Variants in UBE2R2 observed in about 807,000 individuals in gnomAD.
UBE2R2 encodes ubiquitin conjugating enzyme E2 R2.
A neutral mutation model predicts 27.8 loss-of-function variants in UBE2R2; 1 was observed. That is an observed-to-expected ratio of 0.04 (90% confidence interval 0.01 to 0.17). The LOEUF is 0.17. Ranked by LOEUF, UBE2R2 falls within the 10% of genes least tolerant of loss-of-function variation. UBE2R2 has a pLI of 1.00. For synonymous variants in UBE2R2, 106 were observed against 113.3 expected (o/e 0.94, Z 0.41); for missense variants, 100 against 291.0 (o/e 0.34, Z 4.78).
At chr9:33,905,647 T>C (rs535696221) in intron 3 of UBE2R2, among the ~76,000 whole-genome samples, 22 of 152,358 alleles carry the variant, frequency 1.4e-4, no homozygotes, top group African/African-American at 5.1e-4. Flanking sequence ...TTTATAATAA[T>C]GTAAACCCGT....
In UBE2R2 at chr9:33,918,634, T is replaced by G. The variant is rs1822716300; in HGVS notation, c.*1397T>G. On this transcript the variant is annotated 3_prime_UTR_variant, in exon 5 of 5. Coordinates refer to ENST00000263228, the MANE Select transcript of UBE2R2 (RefSeq NM_017811.4). The stretch of plus-strand genomic sequence containing the variant: ...TCAGAACTTGAAGGTAATTTTTGGT[T>G]GTTATGGGGGTGCACCAGATCATAG... The G allele has an allele frequency of 6.6e-6, 1 of 152,482 alleles. No homozygotes were observed. The highest frequency in any genetic ancestry group is 2.4e-5 in the African/African-American group (1 of 41,400). 9.4% of individuals were successfully genotyped at this position (152,482 alleles called of 1,614,324 possible).
chr9:33,815,527 C>T (rs1587415634), upstream of UBE2R2, among the ~76,000 whole-genome samples: 1 of 152,242 alleles, frequency 6.6e-6, no homozygotes, highest in East Asian at 1.9e-4. Context: ...GACGGATCAC[C>T]TGAGGTCAAG....
intron 1 of UBE2R2, among the ~76,000 whole-genome samples, chr9:33,871,440 AAATT>A (rs1821481747): frequency 6.6e-6 from 1 of 152,208 alleles, no homozygotes; most frequent in African/African-American, 2.4e-5. Flanking sequence ...GAAACTTTAA[AAATT>A]AATTTAAATA....
At chr9:33,906,113 C>CGTTGTTGCTGTTGTTGT (rs1822350985) in intron 3 of UBE2R2, among the ~76,000 whole-genome samples, 1 of 151,160 alleles carries the variant, frequency 6.6e-6, no homozygotes, top group African/African-American at 2.4e-5. Context: ...GTCGTTGTTG[C>CGTTGTTGCTGTTGTTGT]TGTTGTTGTT....
chr9:33,845,010 C>T (rs893897120), intron 1 of UBE2R2, among the ~76,000 whole-genome samples: 3 of 151,846 alleles, frequency 2.0e-5, no homozygotes, highest in Non-Finnish European at 2.9e-5. Context: ...CTCAAATGAT[C>T]CGCCTGCCTC....
intron 1 of UBE2R2, among the ~76,000 whole-genome samples, chr9:33,857,468 G>A (rs964089364): frequency 2.0e-5 from 3 of 151,782 alleles, no homozygotes; most frequent in African/African-American, 4.8e-5. Context: ...ACAGGTGTGC[G>A]CCACCACACC....
At chr9:33,822,420 C>G (rs898343845) in intron 1 of UBE2R2, among the ~76,000 whole-genome samples, 6 of 130,288 alleles carry the variant, frequency 4.6e-5, no homozygotes, top group African/African-American at 1.8e-4. Context: ...AGAAACTCTT[C>G]AAAACCTTTT....
At position 33,917,431 on chromosome 9, in the gene UBE2R2, C is replaced by A; in HGVS notation, c.*194C>A. The A allele has an allele frequency of 1.4e-6, 1 of 737,762 alleles. No individual in the cohort carries two copies. Among genetic ancestry groups the A allele is most frequent in the Non-Finnish European group, 2.1e-6 (1 of 467,016 alleles). 45.7% of individuals were successfully genotyped at this position (737,762 alleles called of 1,614,324 possible). On this transcript the variant is annotated 3_prime_UTR_variant, in exon 5 of 5. Coordinates refer to ENST00000263228, the MANE Select transcript of UBE2R2 (RefSeq NM_017811.4). Reference sequence around the variant, plus strand: ...GACCTTTAATGGAGAGAGAGTAACCCTCCACAGAATGTCTGAATTCTTGCA... The same window carrying A: ...GACCTTTAATGGAGAGAGAGTAACCATCCACAGAATGTCTGAATTCTTGCA...
In UBE2R2 at chr9:33,817,774, T is replaced by A; in HGVS notation, c.17T>A (p.Met6Lys). The change falls in exon 1 of 5, where the codon ATG becomes AAG. Residue 6 changes from methionine (M) to lysine (K), a missense_variant. Coordinates refer to ENST00000263228, the MANE Select transcript of UBE2R2 (RefSeq NM_017811.4). ...GCCGCCGCGATGGCCCAGCAGCAGATGACCAGCTCGCAGAAGGCCCTGATG... is the reference window on the plus strand; with the variant it reads ...GCCGCCGCGATGGCCCAGCAGCAGAAGACCAGCTCGCAGAAGGCCCTGATG... MAQQQ[M>K]TSSQKALMLE... 6.3e-7 allele frequency: 1 copy of A among 1,589,712 alleles called. No individual in the cohort carries two copies. Among genetic ancestry groups the A allele is most frequent in the Non-Finnish European group, 8.6e-7 (1 of 1,168,762 alleles).
In UBE2R2 at chr9:33,919,726, T is replaced by C. The variant is rs1046912555; in HGVS notation, c.*2489T>C. 1 of 103,696 alleles carries C rather than the reference T, an allele frequency of 9.6e-6. No individual in the cohort carries two copies. Among genetic ancestry groups the C allele is most frequent in the Non-Finnish European group, 2.1e-5 (1 of 47,250 alleles). 6.4% of individuals were successfully genotyped at this position (103,696 alleles called of 1,614,324 possible). Reference sequence around the variant, plus strand: ...CTGTGGAAAATACTTGAGTTTGTAATTTTTTTTCCCCCTTCTGGGAGTGGA... The same window carrying C: ...CTGTGGAAAATACTTGAGTTTGTAACTTTTTTTCCCCCTTCTGGGAGTGGA... On this transcript the variant is annotated 3_prime_UTR_variant, in exon 5 of 5. Transcript: ENST00000263228.
Position 33,911,979 on chromosome 9 carries a change from T to C in UBE2R2, c.378T>C (p.Ser126=), listed in dbSNP as rs1332446243. 2 of 1,613,696 alleles carry C rather than the reference T, an allele frequency of 1.2e-6. No individual in the cohort carries two copies. Among genetic ancestry groups the C allele is most frequent in the Non-Finnish European group, 8.5e-7 (1 of 1,179,900 alleles). ...PTQNVRTILL[S]VISLLNEPNT... is the part of the protein sequence containing the mutation. Reference sequence around the variant, plus strand: ...CTGTTTCTAGGACTATCCTATTAAGTGTAATCTCACTGCTTAATGAGCCCA... The same window carrying C: ...CTGTTTCTAGGACTATCCTATTAAGCGTAATCTCACTGCTTAATGAGCCCA... The change falls in exon 4 of 5, where the codon AGT becomes AGC. Residue 126 remains serine, a synonymous_variant. Coordinates refer to ENST00000263228, the MANE Select transcript of UBE2R2 (RefSeq NM_017811.4).
At chr9:33,818,296 C>T (rs946347821) in intron 1 of UBE2R2, among the ~76,000 whole-genome samples, 3 of 150,372 alleles carry the variant, frequency 2.0e-5, no homozygotes, top group Non-Finnish European at 4.4e-5. Flanking sequence ...CGGAACCCCT[C>T]CCTGCGCAGG....
intron 1 of UBE2R2, among the ~76,000 whole-genome samples, chr9:33,854,110 G>A (rs758264872): frequency 5.9e-5 from 9 of 151,976 alleles, no homozygotes; most frequent in Non-Finnish European, 1.2e-4. Context: ...CACTTAGTAT[G>A]TTTTAGTTTC....
At chr9:33,818,529 T>TAAAAA (rs548358025) in intron 1 of UBE2R2, 7 of 98,702 alleles carry the variant, frequency 7.1e-5, no homozygotes, top group African/African-American at 2.8e-4. Flanking sequence ...CTAGGGGTGG[T>TAAAAA]AAAAAAAAAA....
At chr9:33,827,155 G>A (rs10971720) in intron 1 of UBE2R2, among the ~76,000 whole-genome samples, 27,467 of 152,012 alleles carry the variant, frequency 0.18, 3,342 homozygotes, top group East Asian at 0.55. Context: ...ATTTTTTGAC[G>A]CTGTTCGAAT....
intron 1 of UBE2R2, among the ~76,000 whole-genome samples, chr9:33,865,184 G>C (rs1178121964): frequency 9.4e-5 from 14 of 149,052 alleles, no homozygotes; most frequent in African/African-American, 3.4e-4. Flanking sequence ...CTGTCTCTCT[G>C]TCTCTCTCTC....
chr9:33,818,858 G>A (rs191769921), intron 1 of UBE2R2: 4 of 152,282 alleles, frequency 2.6e-5, no homozygotes, highest in Admixed American at 6.5e-5. Flanking sequence ...GTTTCTCTGG[G>A]TGGGATGTAT....
At chr9:33,830,400 G>A (rs1177702065) in intron 1 of UBE2R2, among the ~76,000 whole-genome samples, 1 of 148,648 alleles carries the variant, frequency 6.7e-6, no homozygotes, top group Non-Finnish European at 1.5e-5. Context: ...CATGTGATCT[G>A]CCCGCCTCGG....
chr9:33,834,192 C>CTTTT (rs144998603), intron 1 of UBE2R2, among the ~76,000 whole-genome samples: 8 of 141,112 alleles, frequency 5.7e-5, no homozygotes, highest in African/African-American at 5.2e-5. Flanking sequence ...CTTGGAGCTT[C>CTTTT]TTTTTTTTTT....
Sources: allele counts gnomAD v4.1 joint callset (sites outside exome capture counted in the v4.1 genomes callset), GRCh38; gene constraint gnomAD v4.1.1; transcripts MANE v1.5; gene names NCBI Gene and HGNC (gene_info 2026-07-23, HGNC 2026-07-21).